ARK2C: variants seen among roughly 807,000 people sequenced by gnomAD.
ARK2C encodes E3 ubiquitin-protein ligase ARK2C.
chr18:46,381,145 G>A, the ARK2C span, among the ~76,000 whole-genome samples: 10 of 152,228 alleles, frequency 6.6e-5, no homozygotes, highest in African/African-American at 2.2e-4. Context: ...AGACGGCAAC[G>A]CTGTTCTGAA....
chr18:46,395,816 G>T, the ARK2C span, among the ~76,000 whole-genome samples: 168 of 152,304 alleles, frequency 1.1e-3, no homozygotes, highest in Non-Finnish European at 1.7e-3. Flanking sequence ...AGCTTTCTGG[G>T]GCCAGGTGGT....
At chr18:46,453,098 A>G in the ARK2C span, among the ~76,000 whole-genome samples, 1 of 152,168 alleles carries the variant, frequency 6.6e-6, no homozygotes, top group Non-Finnish European at 1.5e-5. Flanking sequence ...AATGTCAAAG[A>G]CTGTGAATCA....
chr18:46,387,560 C>T, the ARK2C span, among the ~76,000 whole-genome samples: 2 of 152,246 alleles, frequency 1.3e-5, no homozygotes, highest in African/African-American at 4.8e-5. Context: ...CTGTGCTTCC[C>T]GGCACCACCT....
the ARK2C span, chr18:46,334,408 G>T: frequency 7.1e-7 from 1 of 1,409,986 alleles, no homozygotes; most frequent in South Asian, 1.3e-5. The surrounding 1 kb of genome is among the most constrained non-coding windows in gnomAD (Gnocchi z 4.4). Context: ...GGCGGGCGCC[G>T]CGGGCGGCCG....
At chr18:46,334,715 TGAGAGA>T in the ARK2C span, 11,709 of 122,402 alleles carry the variant, frequency 0.096, 269 homozygotes, top group Middle Eastern at 0.13. This position sits in a 1 kb window ranked among gnomAD's most constrained non-coding sequence, Gnocchi z 4.4. Context: ...TGTGTGTGTG[TGAGAGA>T]GAGAGAGAGC....
chr18:46,343,015 G>A, the ARK2C span, among the ~76,000 whole-genome samples: 1 of 152,178 alleles, frequency 6.6e-6, no homozygotes, highest in African/African-American at 2.4e-5. Context: ...CACAAGCACT[G>A]CTTTTAATGG....
chr18:46,440,080 G>A, the ARK2C span, among the ~76,000 whole-genome samples: 2 of 151,976 alleles, frequency 1.3e-5, no homozygotes, highest in African/African-American at 4.8e-5. Context: ...TACCCGCCTC[G>A]GACTCTCAAA....
At chr18:46,456,997 T>G in the ARK2C span, 1 of 259,806 alleles carries the variant, frequency 3.8e-6, no homozygotes, top group East Asian at 9.4e-5. Context: ...ATTGTATATA[T>G]ACCTCTCGAC....
the ARK2C span, among the ~76,000 whole-genome samples, chr18:46,432,140 C>T: frequency 4.7e-4 from 71 of 152,186 alleles, no homozygotes; most frequent in African/African-American, 1.6e-3. Context: ...TCTGAAATGC[C>T]GGGTCTACTT....
chr18:46,334,290 G>A, the ARK2C span: 5 of 1,577,634 alleles, frequency 3.2e-6, no homozygotes, highest in Non-Finnish European at 4.3e-6. This position sits in a 1 kb window ranked among gnomAD's most constrained non-coding sequence, Gnocchi z 4.4. Context: ...CCTGGTCCAC[G>A]TCGGCTATCT....
chr18:46,460,642 A>G, the ARK2C span: 1 of 152,488 alleles, frequency 6.6e-6, no homozygotes, highest in Non-Finnish European at 1.5e-5. Context: ...TACGATGACA[A>G]ACAACTACGA....
the ARK2C span, chr18:46,386,552 A>T: frequency 8.1e-4 from 85 of 104,992 alleles, no homozygotes; most frequent in African/African-American, 3.3e-3. Context: ...CCATCAATCC[A>T]TCCATCCATC....
chr18:46,422,077 G>A, the ARK2C span, among the ~76,000 whole-genome samples: 4 of 152,260 alleles, frequency 2.6e-5, no homozygotes, highest in Admixed American at 2.6e-4. Context: ...AGCAAAAGAG[G>A]TTAAACTGAT....
At chr18:46,383,527 T>C in the ARK2C span, among the ~76,000 whole-genome samples, 2 of 151,704 alleles carry the variant, frequency 1.3e-5, no homozygotes, top group Admixed American at 1.3e-4. Flanking sequence ...ACAAAAATCC[T>C]TGGCACCATG....
At chr18:46,440,393 T>A in the ARK2C span, among the ~76,000 whole-genome samples, 2 of 152,254 alleles carry the variant, frequency 1.3e-5, no homozygotes, top group African/African-American at 2.4e-5. Context: ...ATTTATAAAT[T>A]AAGCTTTATC....
At chr18:46,357,117 CGTT>C in the ARK2C span, among the ~76,000 whole-genome samples, 3 of 152,252 alleles carry the variant, frequency 2.0e-5, no homozygotes, top group South Asian at 2.1e-4. Flanking sequence ...AGTATGAACT[CGTT>C]GTTTTATCAT....
chr18:46,372,696 T>C, the ARK2C span, among the ~76,000 whole-genome samples: 3 of 152,204 alleles, frequency 2.0e-5, no homozygotes, highest in Non-Finnish European at 4.4e-5. Context: ...AGCTGAGCCT[T>C]CTCGGGCTCT....
the ARK2C span, among the ~76,000 whole-genome samples, chr18:46,418,746 A>G: frequency 6.6e-6 from 1 of 152,262 alleles, no homozygotes; most frequent in Admixed American, 6.5e-5. Context: ...AGATAGTTAC[A>G]GACCCAGAAA....
the ARK2C span, among the ~76,000 whole-genome samples, chr18:46,382,989 C>A: frequency 1.3e-5 from 2 of 152,242 alleles, no homozygotes; most frequent in Admixed American, 6.5e-5. Context: ...TCACTCCCCC[C>A]ACCCCCTGGG....
Sources: gnomAD v4.1 joint callset for allele counts (sites outside exome capture counted in the v4.1 genomes callset) on GRCh38, gnomAD v4.1.1 for gene constraint, Gnocchi (gnomAD v3.1) non-coding constraint, MANE v1.5 for transcripts, NCBI Gene and HGNC (gene_info 2026-07-23, HGNC 2026-07-21) for gene names.